USH2A: variants seen among roughly 807,000 people sequenced by gnomAD.
USH2A encodes the protein Usher syndrome 2A (autosomal recessive, mild).
A neutral mutation model predicts 538.9 loss-of-function variants in USH2A; 443 were observed. The observed-to-expected ratio is 0.82, with a 90% CI of 0.76 to 0.89. USH2A has a LOEUF of 0.89. Among genes scored for constraint, USH2A ranks in the 40% least tolerant of loss-of-function variants. The probability of loss-of-function intolerance (pLI) is 0.00; values close to 1 mark genes in which losing one functional copy is unlikely to be tolerated. For synonymous variants in USH2A, 2,413 were observed against 2,273.5 expected (o/e 1.06, Z -1.75); for missense variants, 6,633 against 6,324.8 (o/e 1.05, Z -1.65).
At chr1:215,648,186 T>C (rs1656922652) in intron 66 of USH2A, among the ~76,000 whole-genome samples, 1 of 152,262 alleles carries the variant, frequency 6.6e-6, no homozygotes, top group Admixed American at 6.5e-5. Flanking sequence ...TATCTTATGT[T>C]CCAGTGAAGG....
intron 13 of USH2A, among the ~76,000 whole-genome samples, chr1:216,233,372 G>A (rs186240350): frequency 2.4e-3 from 359 of 152,152 alleles, no homozygotes; most frequent in African/African-American, 8.3e-3. Context: ...CTTTCCCTAG[G>A]CCAGGCTAGG....
rs779202230 is a variant in USH2A, at chr1:215,674,110, G to A, written c.13801C>T (p.Pro4601Ser). ...GACATGGCTACCTACCTGTGAAATG[G>A]CTTCAGCTGGTTTACTATATATGAC... is the stretch of plus-strand genomic sequence containing the variant. ...MQSYIVNQLKPFHRYEIRIQA... is the reference protein window; with the variant it reads ...MQSYIVNQLKSFHRYEIRIQA... The change falls in exon 63 of 72, where the codon CCA (proline) becomes TCA (serine). Residue 4601 changes from proline to serine, a missense_variant. Pro to Ser is a moderately conservative substitution (Grantham distance 74, BLOSUM62 -1). Coordinates refer to ENST00000307340, the MANE Select transcript of USH2A (RefSeq NM_206933.4). The A allele has an allele frequency of 1.2e-6, 2 of 1,614,006 alleles. No homozygotes were observed. The highest frequency in any genetic ancestry group is 1.7e-6 in the Non-Finnish European group (2 of 1,179,970).
chr1:216,172,480 C>T (rs2034291763), intron 21 of USH2A, among the ~76,000 whole-genome samples: 1 of 151,978 alleles, frequency 6.6e-6, no homozygotes, highest in African/African-American at 2.4e-5. Flanking sequence ...AAGTTATTAA[C>T]TTTTAAAATG....
chr1:215,679,243 G>A (rs1658142348), intron 62 of USH2A, among the ~76,000 whole-genome samples: 1 of 152,212 alleles, frequency 6.6e-6, no homozygotes, highest in African/African-American at 2.4e-5. Context: ...AGGGTTTTCA[G>A]GGAGGCTTTA....
intron 37 of USH2A, among the ~76,000 whole-genome samples, chr1:215,943,803 C>T (rs1666694727): frequency 6.6e-6 from 1 of 152,188 alleles, no homozygotes; most frequent in Non-Finnish European, 1.5e-5. Context: ...ACAAGTCTGA[C>T]TCTCCAGCTT....
chr1:215,754,544 A>G (rs1166598477), intron 58 of USH2A, among the ~76,000 whole-genome samples: 2 of 152,142 alleles, frequency 1.3e-5, no homozygotes, highest in East Asian at 3.9e-4. Context: ...AAACAAATAC[A>G]ATTTAGCCAG....
At chr1:215,699,288 T>A (rs1024242105) in intron 61 of USH2A, among the ~76,000 whole-genome samples, 5 of 152,142 alleles carry the variant, frequency 3.3e-5, no homozygotes, top group African/African-American at 1.2e-4. Flanking sequence ...CTTAAGATTG[T>A]CTTGGTTATA....
At chr1:215,883,636 T>G (rs1046203149) in intron 41 of USH2A, among the ~76,000 whole-genome samples, 1 of 152,158 alleles carries the variant, frequency 6.6e-6, no homozygotes, top group Non-Finnish European at 1.5e-5. Flanking sequence ...TGGTATCATT[T>G]TTTAAAGCAA....
At chr1:215,840,361 G>A (rs2102818617) in intron 46 of USH2A, among the ~76,000 whole-genome samples, 1 of 152,070 alleles carries the variant, frequency 6.6e-6, no homozygotes, top group African/African-American at 2.4e-5. Flanking sequence ...GAAATTTGAT[G>A]TTCAAATTTC....
At chr1:216,174,530 T>C (rs2034336903) in intron 21 of USH2A, 2 of 984,652 alleles carry the variant, frequency 2.0e-6, no homozygotes, top group African/African-American at 1.7e-5. Context: ...CTTTTGATAA[T>C]ATTTTTATAG....
At chr1:216,342,623 G>A (rs2038096145) in intron 4 of USH2A, among the ~76,000 whole-genome samples, 1 of 152,122 alleles carries the variant, frequency 6.6e-6, no homozygotes, top group African/African-American at 2.4e-5. Context: ...TAAAGAGAAT[G>A]TGGTATATAT....
chr1:216,268,412 T>C (rs981157556), intron 11 of USH2A, among the ~76,000 whole-genome samples: 1 of 152,142 alleles, frequency 6.6e-6, no homozygotes, highest in East Asian at 1.9e-4. Context: ...AGATTATTAA[T>C]GTAAACATGT....
intron 32 of USH2A, among the ~76,000 whole-genome samples, chr1:216,021,537 G>A (rs555771679): frequency 9.2e-5 from 14 of 152,136 alleles, no homozygotes; most frequent in African/African-American, 3.1e-4. Flanking sequence ...TATTAGCAGC[G>A]TGAGAACAGA....
rs115255570 is a variant in USH2A at position 216,242,826 on chromosome 1, C to T, written c.2809+3759G>A. 2.4e-3 allele frequency among the ~76,000 whole-genome samples: 359 copies of T among 152,170 alleles called. 1 individual carries two copies. The highest frequency in any genetic ancestry group is 7.9e-3 in the African/African-American group (330 of 41,524). ...ACATAATTGAGTAGAGCCACAGATC[C>T]AAAAATCATCACTATTTAAATTCAT... On this transcript the variant is annotated intron_variant, in intron 13 of 71. Coordinates refer to ENST00000307340, the MANE Select transcript of USH2A (RefSeq NM_206933.4).
In USH2A at chr1:215,685,976, TGGCCTATTGTTTAGTGTTCA is replaced by T. The variant is rs1407360011; in HGVS notation, c.12067-5620_12067-5601del. On this transcript the variant is annotated intron_variant, in intron 61 of 71. Transcript: ENST00000307340. Reference sequence around the variant, plus strand: ...TAGAACAAAATACCCTTTAGGACCATGGCCTATTGTTTAGTGTTCAGGCCTATTGTTTTAGTGTGTATGTG... The same window carrying T: ...TAGAACAAAATACCCTTTAGGACCATGGCCTATTGTTTTAGTGTGTATGTG... Among the ~76,000 whole-genome samples the T allele has an allele frequency of 2.6e-5, 4 of 152,236 alleles. No individual in the cohort carries two copies. The East Asian group carries it at 5.8e-4, about 22-fold the overall frequency.
intron 22 of USH2A, 40 bp from the exon 23 acceptor site, chr1:216,089,179 A>T (rs760922072): frequency 6.3e-7 from 1 of 1,589,980 alleles, no homozygotes; most frequent in Non-Finnish European, 8.6e-7. Flanking sequence ...TTATACATGC[A>T]TATCTACAAA....
intron 14 of USH2A, among the ~76,000 whole-genome samples, chr1:216,228,287 T>C (rs568181466): frequency 9.2e-5 from 14 of 152,130 alleles, no homozygotes; most frequent in Admixed American, 6.6e-5. Context: ...CATCAGTACA[T>C]GTCAAAGTAG....
intron 20 of USH2A, among the ~76,000 whole-genome samples, chr1:216,182,169 C>T (rs1333909062): frequency 6.6e-6 from 1 of 152,020 alleles, no homozygotes; most frequent in African/African-American, 2.4e-5. Context: ...TTGTATTTTC[C>T]TAAAGATGTC....
At chr1:215,856,511 C>A (rs948334732) in intron 44 of USH2A, among the ~76,000 whole-genome samples, 12 of 152,090 alleles carry the variant, frequency 7.9e-5, no homozygotes, top group African/African-American at 2.9e-4. Context: ...CCATCTTACT[C>A]CTGCAAGAAT....
Sources: allele counts gnomAD v4.1 joint callset (sites outside exome capture counted in the v4.1 genomes callset), GRCh38; gene constraint gnomAD v4.1.1; transcripts MANE v1.5; gene names NCBI Gene and HGNC (gene_info 2026-07-23, HGNC 2026-07-21).